The following ZFHX3 variants were observed in gnomAD, a reference collection of about 807,000 sequenced individuals.
ZFHX3 encodes the protein zinc finger homeobox protein 3.
ZFHX3 carries 42 observed loss-of-function variants against 279.1 expected under a neutral mutation model. The ratio of observed to expected loss-of-function variants is 0.15; its 90% CI spans 0.12 to 0.19. The LOEUF (loss-of-function observed/expected upper bound fraction) is 0.19. Among genes scored for constraint, ZFHX3 ranks in the 10% least tolerant of loss-of-function variants. The probability of loss-of-function intolerance (pLI) is 1.00; values close to 1 mark genes in which losing one functional copy is unlikely to be tolerated. For missense variants in ZFHX3, 4,981 were observed against 4,754.0 expected (o/e 1.05, Z -1.40); for synonymous variants, 2,293 against 1,957.8 (o/e 1.17, Z -4.52).
At chr16:73,093,513 G>C (rs754917691) in exon 8 of ZFHX3, 1 of 504,228 alleles carries the variant, frequency 2.0e-6, no homozygotes, top group East Asian at 5.6e-5. Context: ...TCATAGCTGC[G>C]CCCTGTCCAC....
At chr16:73,719,702 C>T (rs1341923199) in intron 1 of ZFHX3, among the ~76,000 whole-genome samples, 2 of 151,176 alleles carry the variant, frequency 1.3e-5, no homozygotes, top group East Asian at 1.9e-4. Context: ...GGCGCGATCT[C>T]GGCTCACTGC....
chr16:73,359,181 GTT>G (rs55639015), intron 3 of ZFHX3, among the ~76,000 whole-genome samples: 22,086 of 145,682 alleles, frequency 0.15, 1,700 homozygotes, highest in Middle Eastern at 0.19. Context: ...TTTAGAAGAG[GTT>G]TTTTTTTTTT....
chr16:73,184,832 A>T (rs1967875838), intron 5 of ZFHX3, among the ~76,000 whole-genome samples: 1 of 152,258 alleles, frequency 6.6e-6, no homozygotes, highest in East Asian at 1.9e-4. Flanking sequence ...ATTCAGAGTG[A>T]ATTTCAATTT....
intron 1 of ZFHX3, among the ~76,000 whole-genome samples, chr16:73,706,077 G>A (rs2053300133): frequency 6.6e-6 from 1 of 152,130 alleles, no homozygotes; most frequent in African/African-American, 2.4e-5. Flanking sequence ...AGCTGAGGTG[G>A]GAGGATCGCT....
chr16:73,382,958 G>A (rs2016840470), intron 3 of ZFHX3, among the ~76,000 whole-genome samples: 1 of 152,276 alleles, frequency 6.6e-6, no homozygotes, highest in South Asian at 2.1e-4. Flanking sequence ...GCAGTCTGAA[G>A]GAACCGGTGA....
At chr16:72,991,741 C>CA (rs1963103978) in intron 1 of ZFHX3, among the ~76,000 whole-genome samples, 1 of 152,162 alleles carries the variant, frequency 6.6e-6, no homozygotes, top group South Asian at 2.1e-4. Context: ...CACAAGTACT[C>CA]AGACTTCCAG....
chr16:73,702,053 G>A (rs1421361549), intron 1 of ZFHX3, among the ~76,000 whole-genome samples: 2 of 152,136 alleles, frequency 1.3e-5, no homozygotes, highest in Non-Finnish European at 2.9e-5. Flanking sequence ...GGTTAGAAAT[G>A]AAATGTCTCA....
chr16:73,075,690 G>T (rs1035725231), intron 8 of ZFHX3, among the ~76,000 whole-genome samples: 1 of 151,684 alleles, frequency 6.6e-6, no homozygotes, highest in Non-Finnish European at 1.5e-5. Context: ...CTGGAGTTCA[G>T]TGGTGCAATT....
At chr16:73,078,776 C>G (rs559971191) in intron 8 of ZFHX3, among the ~76,000 whole-genome samples, 5 of 152,126 alleles carry the variant, frequency 3.3e-5, no homozygotes, top group African/African-American at 1.2e-4. Context: ...TCCCGAGTAG[C>G]TGGGACTACA....
At chr16:73,174,768 A>G (rs1967620828) in intron 5 of ZFHX3, among the ~76,000 whole-genome samples, 1 of 151,376 alleles carries the variant, frequency 6.6e-6, no homozygotes, top group Non-Finnish European at 1.5e-5. Context: ...CTATAATCCT[A>G]GCATTCTGGG....
chr16:73,299,509 T>C (rs1402601762), intron 4 of ZFHX3, among the ~76,000 whole-genome samples: 1 of 152,056 alleles, frequency 6.6e-6, no homozygotes. Context: ...GCTGATTCTG[T>C]TGACAGTATT....
intron 8 of ZFHX3, among the ~76,000 whole-genome samples, chr16:73,074,192 C>T (rs1965857894): frequency 6.6e-6 from 1 of 152,100 alleles, no homozygotes; most frequent in South Asian, 2.1e-4. Flanking sequence ...GAGAATAATA[C>T]GAAGGAGGTT....
At chr16:73,633,700 A>T (rs1270221017) in intron 2 of ZFHX3, among the ~76,000 whole-genome samples, 11 of 152,192 alleles carry the variant, frequency 7.2e-5, no homozygotes, top group Non-Finnish European at 1.3e-4. Context: ...TCTTCAGAGT[A>T]TCAGGAACAT....
Position 73,754,458 on chromosome 16 carries a change from G to C in ZFHX3, c.-1607-74218C>G, listed in dbSNP as rs115712584. Among the ~76,000 whole-genome samples the C allele has an allele frequency of 9.2e-3, 1,406 of 152,068 alleles. 28 individuals carry two copies. Among genetic ancestry groups the C allele is most frequent in the African/African-American group, 0.032 (1,310 of 41,484 alleles). On this transcript the variant is annotated intron_variant, in intron 1 of 17. Transcript: ENST00000641206. Reference sequence around the variant, plus strand: ...ACTAGTGCTGAGCAGGTACCTCTCTGGTACCCCCGAGAATCATGGCATACA... The same window carrying C: ...ACTAGTGCTGAGCAGGTACCTCTCTCGTACCCCCGAGAATCATGGCATACA...
chr16:73,293,258 G>A (rs1395591435), intron 4 of ZFHX3, among the ~76,000 whole-genome samples: 1 of 152,168 alleles, frequency 6.6e-6, no homozygotes, highest in Non-Finnish European at 1.5e-5. Flanking sequence ...GCTGGTAAAA[G>A]TTTGGGAAAG....
chr16:72,851,452 T>C (rs896391519), intron 4 of ZFHX3, among the ~76,000 whole-genome samples: 2 of 152,182 alleles, frequency 1.3e-5, no homozygotes, highest in African/African-American at 2.4e-5. Flanking sequence ...AAAGTCCCAG[T>C]GTACTTCTGA....
intron 3 of ZFHX3, among the ~76,000 whole-genome samples, chr16:73,433,541 G>A (rs2017945314): frequency 6.6e-6 from 1 of 152,122 alleles, no homozygotes; most frequent in Admixed American, 6.6e-5. Flanking sequence ...GCCCCTCCTG[G>A]CAACCGACGC....
At chr16:73,354,506 C>T (rs898370045) in intron 3 of ZFHX3, among the ~76,000 whole-genome samples, 2 of 152,194 alleles carry the variant, frequency 1.3e-5, no homozygotes, top group Non-Finnish European at 1.5e-5. Flanking sequence ...CCTCATTTCA[C>T]GAGGTCTCCC....
chr16:73,714,970 C>G (rs1017507854), intron 1 of ZFHX3, among the ~76,000 whole-genome samples: 2 of 152,224 alleles, frequency 1.3e-5, no homozygotes, highest in Non-Finnish European at 2.9e-5. Flanking sequence ...GGGTCTCTCT[C>G]TCTCTGAGAA....
Sources: allele counts gnomAD v4.1 joint callset (sites outside exome capture counted in the v4.1 genomes callset), GRCh38; gene constraint gnomAD v4.1.1; transcripts MANE v1.5; gene names NCBI Gene and HGNC (gene_info 2026-07-23, HGNC 2026-07-21).